Variants in CNTN5 observed in about 807,000 individuals in gnomAD.
CNTN5 encodes contactin-5.
CNTN5 carries 77 observed loss-of-function variants against 129.1 expected under a neutral mutation model. That is an observed-to-expected ratio of 0.60 (90% confidence interval 0.50 to 0.72). The LOEUF (loss-of-function observed/expected upper bound fraction) is 0.72, where lower values mean the gene tolerates loss of function less well. Ranked by LOEUF, CNTN5 falls within the 30% of genes least tolerant of loss-of-function variation. The pLI is 0.00. For synonymous variants in CNTN5, 509 were observed against 465.6 expected, an observed-to-expected ratio of 1.09 and a Z score of -1.20; for missense variants, 1,478 against 1,328.8, an observed-to-expected ratio of 1.11 and a Z score of -1.75.
rs142665748 is a variant in CNTN5 at position 99,685,763 on chromosome 11, G to A, written c.55+129494G>A. On this transcript the variant is annotated intron_variant, in intron 3 of 24. Coordinates refer to ENST00000524871, the MANE Select transcript of CNTN5 (RefSeq NM_014361.4). ...TGTTGTTTTCATTTTCAAGGCTGAC[G>A]GTCCTTGCATTTTAATATATTTTCT... 2.4e-3 allele frequency among the ~76,000 whole-genome samples: 366 copies of A among 151,800 alleles called. 2 individuals are homozygous for A. Among genetic ancestry groups the A allele is most frequent in the African/African-American group, 8.3e-3 (345 of 41,466 alleles).
chr11:99,878,389 G>A (rs1948687596), intron 6 of CNTN5, among the ~76,000 whole-genome samples: 1 of 152,084 alleles, frequency 6.6e-6, no homozygotes, highest in Admixed American at 6.6e-5. Context: ...ACTGAAGTGG[G>A]GATAAATAGT....
intron 1 of CNTN5, among the ~76,000 whole-genome samples, chr11:99,177,582 T>G (rs1003000408): frequency 6.6e-6 from 1 of 152,370 alleles, no homozygotes; most frequent in Middle Eastern, 3.4e-3. Context: ...TGCATGTCTA[T>G]GGTTCATCGA....
intron 13 of CNTN5, among the ~76,000 whole-genome samples, chr11:100,101,272 A>G (rs1945214102): frequency 2.0e-5 from 3 of 152,114 alleles, no homozygotes; most frequent in Non-Finnish European, 1.5e-5. Flanking sequence ...AGTTCAGTGG[A>G]AAAGACCAGT....
intron 21 of CNTN5, chr11:100,309,348 A>C (rs1488753265): frequency 1.0e-6 from 1 of 982,400 alleles, no homozygotes; most frequent in African/African-American, 1.8e-5. Flanking sequence ...ATTCTATTTG[A>C]GTTTTCAAAT....
At position 99,038,425 on chromosome 11, in the gene CNTN5, G is replaced by A. The variant is rs543055509; in HGVS notation, c.-210+17155G>A. On this transcript the variant is annotated intron_variant, in intron 1 of 24. Coordinates refer to ENST00000524871, the MANE Select transcript of CNTN5 (RefSeq NM_014361.4). ...CATCTCAAATATTTATCATTTCTTT[G>A]TGTTGGTAAAGATCAGTATTCTCCT... Among the ~76,000 whole-genome samples the A allele has an allele frequency of 4.9e-4, 74 of 152,030 alleles. 1 individual carries two copies. Among genetic ancestry groups the A allele is most frequent in the Non-Finnish European group, 8.8e-4 (60 of 67,962 alleles).
intron 13 of CNTN5, among the ~76,000 whole-genome samples, chr11:100,124,135 C>A (rs1281083546): frequency 2.0e-5 from 3 of 151,944 alleles, no homozygotes; most frequent in African/African-American, 7.2e-5. Context: ...GAGGGCAGTA[C>A]TGTTATTGTA....
rs535715036 is a variant in CNTN5, at chr11:99,493,172, G to A, written c.-70-62973G>A. Among the ~76,000 whole-genome samples, 13 of 152,274 alleles carry A rather than the reference G, an allele frequency of 8.5e-5. No homozygotes were observed. The South Asian group carries it at 2.7e-3, about 32-fold the overall frequency. The stretch of plus-strand genomic sequence containing the variant: ...AACTTATATTTTAACTTATATAGTT[G>A]ATGATATTTAAGTTTTACAAAAATT... On this transcript the variant is annotated intron_variant, in intron 2 of 24. Coordinates refer to ENST00000524871, the MANE Select transcript of CNTN5 (RefSeq NM_014361.4).
intron 18 of CNTN5, 44 bp from the exon 19 acceptor site, chr11:100,297,581 T>C (rs201910595): frequency 7.5e-5 from 97 of 1,292,536 alleles, no homozygotes; most frequent in African/African-American, 6.6e-4. Context: ...CAACGTAGGT[T>C]GGGAGTTTTT....
intron 1 of CNTN5, among the ~76,000 whole-genome samples, chr11:99,028,559 T>A (rs1863213000): frequency 6.6e-6 from 1 of 151,898 alleles, no homozygotes; most frequent in Non-Finnish European, 1.5e-5. Context: ...TGCATTTACT[T>A]TTCAGTGCCT....
chr11:99,107,253 G>A (rs1867039135), intron 1 of CNTN5, among the ~76,000 whole-genome samples: 1 of 152,016 alleles, frequency 6.6e-6, no homozygotes, highest in African/African-American at 2.4e-5. Context: ...GAAAAATAGT[G>A]GAACATACAT....
intron 16 of CNTN5, among the ~76,000 whole-genome samples, chr11:100,228,325 T>C (rs1490206603): frequency 6.6e-6 from 1 of 152,234 alleles, no homozygotes; most frequent in East Asian, 1.9e-4. Flanking sequence ...AGTGTATTAA[T>C]AGTTGAATTT....
chr11:99,886,746 A>G (rs1230577058), intron 6 of CNTN5, among the ~76,000 whole-genome samples: 2 of 152,262 alleles, frequency 1.3e-5, no homozygotes, highest in Non-Finnish European at 2.9e-5. Context: ...ATGTTACAGC[A>G]GTGAAAACTA....
rs553862980 is a variant in CNTN5, at chr11:100,100,196, C to T, written c.1580+25902C>T. ...GACCCAATGCACTGTAAATTCTGCACGGGGATCTGAAGTGCTTTTGTTTGA... is the reference window on the plus strand; with the variant it reads ...GACCCAATGCACTGTAAATTCTGCATGGGGATCTGAAGTGCTTTTGTTTGA... On this transcript the variant is annotated intron_variant, in intron 13 of 24. Transcript: ENST00000524871. 1.1e-3 allele frequency among the ~76,000 whole-genome samples: 167 copies of T among 152,164 alleles called. 1 individual carries two copies. Among genetic ancestry groups the T allele is most frequent in the African/African-American group, 2.9e-3 (119 of 41,526 alleles).
chr11:100,149,500 G>GTGTT (rs773584702), intron 13 of CNTN5, among the ~76,000 whole-genome samples: 8 of 152,098 alleles, frequency 5.3e-5, no homozygotes, highest in South Asian at 2.1e-4. Flanking sequence ...TAAAGGAAAA[G>GTGTT]TGTTTGCTTT....
At chr11:99,388,163 C>A (rs1181456380) in intron 2 of CNTN5, among the ~76,000 whole-genome samples, 1 of 151,948 alleles carries the variant, frequency 6.6e-6, no homozygotes, top group Non-Finnish European at 1.5e-5. Flanking sequence ...AATCTGTAAT[C>A]CTAGCACTTT....
At chr11:99,278,006 T>C (rs1034516538) in intron 1 of CNTN5, among the ~76,000 whole-genome samples, 8 of 151,636 alleles carry the variant, frequency 5.3e-5, no homozygotes, top group African/African-American at 1.9e-4. Context: ...GGAGCACGGG[T>C]TTCAAATACA....
At chr11:100,155,323 A>G (rs1374188476) in intron 13 of CNTN5, among the ~76,000 whole-genome samples, 1 of 152,000 alleles carries the variant, frequency 6.6e-6, no homozygotes, top group Non-Finnish European at 1.5e-5. Context: ...CCAAGATCAG[A>G]TGGTTGTAGA....
At chr11:99,259,880 A>C (rs1862549358) in intron 1 of CNTN5, among the ~76,000 whole-genome samples, 1 of 151,918 alleles carries the variant, frequency 6.6e-6, no homozygotes, top group Admixed American at 6.6e-5. Flanking sequence ...TTTCTAGGCT[A>C]ATAGAAAAAT....
At chr11:99,695,722 T>A (rs1022017329) in intron 3 of CNTN5, among the ~76,000 whole-genome samples, 2 of 151,620 alleles carry the variant, frequency 1.3e-5, no homozygotes, top group East Asian at 3.9e-4. Flanking sequence ...ACAAAATAAA[T>A]AAACAAATAA....
Sources: allele counts gnomAD v4.1 joint callset (sites outside exome capture counted in the v4.1 genomes callset), GRCh38; gene constraint gnomAD v4.1.1; transcripts MANE v1.5; gene names NCBI Gene and HGNC (gene_info 2026-07-23, HGNC 2026-07-21).